The following BLTP1 variants were observed in gnomAD, a reference collection of about 807,000 sequenced individuals.
BLTP1 encodes fragile site-associated protein.
chr4:122,257,483 G>T, the BLTP1 span: 1 of 1,614,042 alleles, frequency 6.2e-7, no homozygotes, highest in South Asian at 1.1e-5. Context: ...AGCAGAATTT[G>T]AGTTCGATGC....
chr4:122,334,536 A>C, the BLTP1 span: 212 of 1,611,422 alleles, frequency 1.3e-4, 1 homozygote, highest in Non-Finnish European at 1.7e-4. Flanking sequence ...GCCCCCACCT[A>C]TTCCTGCAGG....
the BLTP1 span, among the ~76,000 whole-genome samples, chr4:122,157,554 G>T: frequency 1.3e-5 from 2 of 152,126 alleles, no homozygotes; most frequent in South Asian, 4.1e-4. Context: ...TGAGAATAAT[G>T]CCACCTGCTG....
the BLTP1 span, chr4:122,243,407 T>C: frequency 1.0e-5 from 10 of 985,216 alleles, no homozygotes; most frequent in Non-Finnish European, 1.2e-5. Flanking sequence ...ATTTTAGTAC[T>C]TCTTTTTGGC....
the BLTP1 span, among the ~76,000 whole-genome samples, chr4:122,233,632 C>T: frequency 1.3e-5 from 2 of 152,170 alleles, no homozygotes; most frequent in African/African-American, 4.8e-5. Context: ...CAAGCTCTCC[C>T]TCATCTTAAG....
the BLTP1 span, chr4:122,207,051 T>C: frequency 3.3e-6 from 5 of 1,496,434 alleles, no homozygotes; most frequent in Non-Finnish European, 4.5e-6. Context: ...AATCTGTGTT[T>C]TACTTTTCTG....
chr4:122,322,053 A>C, the BLTP1 span, among the ~76,000 whole-genome samples: 2 of 89,752 alleles, frequency 2.2e-5, no homozygotes, highest in African/African-American at 4.5e-5. Context: ...AGCTTCCTCT[A>C]TCTGTGGTTT....
the BLTP1 span, chr4:122,184,865 C>G: frequency 2.0e-6 from 2 of 982,766 alleles, no homozygotes; most frequent in African/African-American, 3.5e-5. Context: ...AACAGCTGCT[C>G]TAGCTGTTGG....
At chr4:122,357,526 T>G in the BLTP1 span, among the ~76,000 whole-genome samples, 9 of 150,762 alleles carry the variant, frequency 6.0e-5, no homozygotes, top group Non-Finnish European at 1.2e-4. Context: ...TGAGCCATAA[T>G]TGCACCACCA....
At chr4:122,308,960 G>A in the BLTP1 span, among the ~76,000 whole-genome samples, 1 of 152,004 alleles carries the variant, frequency 6.6e-6, no homozygotes. Flanking sequence ...AATGGGCACT[G>A]CCTAGGAAGG....
chr4:122,259,375 A>G, the BLTP1 span, among the ~76,000 whole-genome samples: 2 of 152,166 alleles, frequency 1.3e-5, no homozygotes, highest in Non-Finnish European at 2.9e-5. Flanking sequence ...TTGGTGTAAG[A>G]TGGAGATTAT....
chr4:122,324,808 T>G, the BLTP1 span, among the ~76,000 whole-genome samples: 1 of 151,948 alleles, frequency 6.6e-6, no homozygotes, highest in Non-Finnish European at 1.5e-5. Context: ...AACTGTGGTT[T>G]AGAAGGATAG....
chr4:122,227,752 A>C, the BLTP1 span: 2 of 152,298 alleles, frequency 1.3e-5, no homozygotes, highest in Non-Finnish European at 2.9e-5. Flanking sequence ...GGTGATAAAA[A>C]TTTTTTTTCT....
the BLTP1 span, chr4:122,211,144 A>T: frequency 6.7e-7 from 1 of 1,488,200 alleles, no homozygotes; most frequent in South Asian, 1.2e-5. Flanking sequence ...AGACAAAGCA[A>T]TTAAAATTTA....
the BLTP1 span, chr4:122,257,216 T>C: frequency 1.3e-6 from 2 of 1,587,180 alleles, no homozygotes; most frequent in South Asian, 1.1e-5. Context: ...CTGATATTAT[T>C]ACATTAGATT....
the BLTP1 span, chr4:122,154,356 G>A: frequency 1.0e-6 from 1 of 984,690 alleles, no homozygotes; most frequent in Non-Finnish European, 1.2e-6. Flanking sequence ...TGCCTATATT[G>A]CTAGGGAATG....
chr4:122,334,378 C>T, the BLTP1 span: 1 of 1,608,132 alleles, frequency 6.2e-7, no homozygotes, highest in Non-Finnish European at 8.5e-7. Flanking sequence ...AAGACTGAAT[C>T]ACCTAATGCC....
At chr4:122,348,603 C>G in the BLTP1 span, 2 of 1,606,668 alleles carry the variant, frequency 1.2e-6, no homozygotes, top group Non-Finnish European at 1.7e-6. Flanking sequence ...TTTAACAAAT[C>G]AAACAAAGCA....
the BLTP1 span, chr4:122,349,815 C>G: frequency 6.3e-7 from 1 of 1,595,552 alleles, no homozygotes; most frequent in South Asian, 1.1e-5. This position sits in a 1 kb window ranked among gnomAD's most constrained non-coding sequence, Gnocchi z 4.5. Context: ...TTTTGAGTAT[C>G]TGCTGTAAGA....
At chr4:122,295,928 C>T in the BLTP1 span, among the ~76,000 whole-genome samples, 1 of 152,156 alleles carries the variant, frequency 6.6e-6, no homozygotes, top group South Asian at 2.1e-4. Flanking sequence ...ATTGAAGATA[C>T]ATACCTCAAA....
Sources: allele counts gnomAD v4.1 joint callset (sites outside exome capture counted in the v4.1 genomes callset), GRCh38; gene constraint gnomAD v4.1.1; non-coding constraint Gnocchi (gnomAD v3.1); transcripts MANE v1.5; gene names NCBI Gene and HGNC (gene_info 2026-07-23, HGNC 2026-07-21).